The following TRIM24 variants were observed in gnomAD, a reference collection of about 807,000 sequenced individuals.
TRIM24 encodes transcription intermediary factor 1-alpha.
A neutral mutation model predicts 123.9 loss-of-function variants in TRIM24; 29 were observed. The observed-to-expected ratio is 0.23, with a 90% confidence interval of 0.17 to 0.32. The LOEUF (loss-of-function observed/expected upper bound fraction) is 0.32. Among genes scored for constraint, TRIM24 ranks in the 10% least tolerant of loss-of-function variants. The pLI is 1.00. For synonymous variants in TRIM24, 456 were observed against 461.1 expected, an observed-to-expected ratio of 0.99 and a Z score of 0.14; for missense variants, 932 against 1,295.3, an observed-to-expected ratio of 0.72 and a Z score of 4.31.
At chr7:138,573,475 G>A in intron 11 of TRIM24, 32 bp from the exon 12 acceptor site, 2 of 1,497,284 alleles carry the variant, frequency 1.3e-6, no homozygotes, top group Non-Finnish European at 1.8e-6. Context: ...TGCAAAATCA[G>A]AATGCCCTGA....
intron 1 of TRIM24, among the ~76,000 whole-genome samples, chr7:138,496,250 G>T (rs767147206): frequency 7.2e-5 from 11 of 152,062 alleles, no homozygotes; most frequent in Non-Finnish European, 1.3e-4. Context: ...CTCTATTTAG[G>T]TCTTCTTTAA....
At chr7:138,512,934 C>T (rs1796321187) in intron 2 of TRIM24, among the ~76,000 whole-genome samples, 1 of 152,208 alleles carries the variant, frequency 6.6e-6, no homozygotes, top group African/African-American at 2.4e-5. Flanking sequence ...GTTCCAACTT[C>T]AGGTCACTTA....
intron 2 of TRIM24, among the ~76,000 whole-genome samples, chr7:138,510,899 A>C (rs1796271365): frequency 6.6e-6 from 1 of 152,216 alleles, no homozygotes; most frequent in Non-Finnish European, 1.5e-5. Context: ...AATAAAATCT[A>C]TAAACTTCTA....
intron 3 of TRIM24, 89 bp downstream of exon 3, chr7:138,515,448 T>C: frequency 1.4e-6 from 2 of 1,440,070 alleles, no homozygotes; most frequent in Non-Finnish European, 1.9e-6. Flanking sequence ...CACATTTGTT[T>C]TGATAAGTAT....
intron 6 of TRIM24, among the ~76,000 whole-genome samples, chr7:138,534,318 T>A (rs1796817028): frequency 1.3e-5 from 2 of 152,226 alleles, no homozygotes; most frequent in Admixed American, 6.5e-5. Flanking sequence ...GGTGTCAATT[T>A]TAGATCTTTC....
At chr7:138,535,387 AG>A (rs1234950456) in intron 6 of TRIM24, among the ~76,000 whole-genome samples, 1 of 152,164 alleles carries the variant, frequency 6.6e-6, no homozygotes, top group African/African-American at 2.4e-5. Context: ...TGCTTCCTTC[AG>A]GAGCTCTGGT....
At chr7:138,563,476 C>T (rs981344199) in intron 9 of TRIM24, among the ~76,000 whole-genome samples, 4 of 152,154 alleles carry the variant, frequency 2.6e-5, no homozygotes, top group African/African-American at 4.8e-5. Context: ...TTTCCCTTAC[C>T]GTAAGGGTCA....
chr7:138,464,720 T>C (rs1218920861), intron 1 of TRIM24, among the ~76,000 whole-genome samples: 1 of 152,168 alleles, frequency 6.6e-6, no homozygotes, highest in Non-Finnish European at 1.5e-5. Context: ...ATAGGTTTGT[T>C]GAGGCCAAAT....
chr7:138,542,486 A>T (rs1797025156), intron 7 of TRIM24, among the ~76,000 whole-genome samples: 1 of 152,200 alleles, frequency 6.6e-6, no homozygotes, highest in Admixed American at 6.5e-5. Flanking sequence ...AACATGAAAG[A>T]CCACAATCAC....
intron 1 of TRIM24, among the ~76,000 whole-genome samples, chr7:138,475,838 T>A (rs964520523): frequency 3.3e-5 from 5 of 152,136 alleles, no homozygotes; most frequent in African/African-American, 1.2e-4. Flanking sequence ...AAAAGATACA[T>A]CTGCAAAATC....
chr7:138,516,117 T>G (rs1008032185), intron 3 of TRIM24, among the ~76,000 whole-genome samples: 4 of 151,926 alleles, frequency 2.6e-5, no homozygotes, highest in Non-Finnish European at 4.4e-5. Context: ...GGCTAACACG[T>G]TGAAACCCCG....
intron 9 of TRIM24, among the ~76,000 whole-genome samples, chr7:138,559,862 T>A (rs181186045): frequency 6.6e-6 from 1 of 152,312 alleles, no homozygotes; most frequent in Admixed American, 6.5e-5. Context: ...TTTCTTAACC[T>A]AAACAGAGTC....
intron 10 of TRIM24, among the ~76,000 whole-genome samples, chr7:138,568,759 G>A (rs919109938): frequency 7.4e-6 from 1 of 136,002 alleles, no homozygotes; most frequent in Non-Finnish European, 1.6e-5. Flanking sequence ...AGTTATCACA[G>A]TGTTTTTTCT....
At chr7:138,478,394 C>A (rs954358944) in intron 1 of TRIM24, among the ~76,000 whole-genome samples, 2 of 138,774 alleles carry the variant, frequency 1.4e-5, no homozygotes, top group Non-Finnish European at 3.2e-5. Flanking sequence ...GTAATCCCAG[C>A]ACTCTGGAAG....
At chr7:138,544,161 G>A (rs1315277291) in intron 7 of TRIM24, among the ~76,000 whole-genome samples, 1 of 152,102 alleles carries the variant, frequency 6.6e-6, no homozygotes, top group East Asian at 1.9e-4. Context: ...CTGGAAATTT[G>A]TACCCTTTGA....
At chr7:138,497,970 G>A (rs561379472) in intron 1 of TRIM24, among the ~76,000 whole-genome samples, 1 of 152,142 alleles carries the variant, frequency 6.6e-6, no homozygotes, top group Admixed American at 6.5e-5. Flanking sequence ...TGGGATTACA[G>A]GCATCAGCCT....
chr7:138,578,557 T>TGC (rs1347136978), intron 14 of TRIM24, among the ~76,000 whole-genome samples: 4 of 130,990 alleles, frequency 3.1e-5, no homozygotes, highest in Admixed American at 1.7e-4. Context: ...TGTGTGTGTG[T>TGC]GTGTGTGCGC....
chr7:138,475,605 G>T (rs1216354522), intron 1 of TRIM24, among the ~76,000 whole-genome samples: 1 of 152,088 alleles, frequency 6.6e-6, no homozygotes, highest in East Asian at 1.9e-4. Flanking sequence ...CAACCTCCAG[G>T]GTTCAGGCAA....
chr7:138,535,121 G>A (rs555226905), intron 6 of TRIM24, among the ~76,000 whole-genome samples: 83 of 152,206 alleles, frequency 5.5e-4, no homozygotes, highest in African/African-American at 1.9e-3. Context: ...CTGCATATGA[G>A]ATGGGTCTCC....
Sources: allele counts gnomAD v4.1 joint callset (sites outside exome capture counted in the v4.1 genomes callset), GRCh38; gene constraint gnomAD v4.1.1; transcripts MANE v1.5; gene names NCBI Gene and HGNC (gene_info 2026-07-23, HGNC 2026-07-21).